HYAL4: variants seen among roughly 807,000 people sequenced by gnomAD.
HYAL4 encodes hyaluronidase-4.
In HYAL4, 37 loss-of-function variants were observed where a neutral mutation model predicts 35.2. That is an observed-to-expected ratio of 1.05 (90% CI 0.81 to 1.38). The LOEUF is 1.38. Ranked by LOEUF, HYAL4 falls within the 40% of genes most tolerant of loss-of-function variation. The probability of loss-of-function intolerance (pLI) is 0.00; values close to 1 mark genes in which losing one functional copy is unlikely to be tolerated. For missense variants in HYAL4, 572 were observed against 572.4 expected, an observed-to-expected ratio of 1.00 and a Z score of 0.01; for synonymous variants, 198 against 203.2, an observed-to-expected ratio of 0.97 and a Z score of 0.22.
At chr7:123,783,730 T>G in the HYAL4 span, among the ~76,000 whole-genome samples, 4 of 152,154 alleles carry the variant, frequency 2.6e-5, no homozygotes, top group African/African-American at 9.7e-5. Flanking sequence ...GAACCAAACA[T>G]AAAATCTGTT....
At chr7:123,861,066 T>C (rs1446028578) in intron 2 of HYAL4, among the ~76,000 whole-genome samples, 2 of 152,126 alleles carry the variant, frequency 1.3e-5, no homozygotes, top group East Asian at 3.9e-4. Flanking sequence ...TTGCCTTTCC[T>C]CTCCACTCTT....
At chr7:123,815,284 C>T in the HYAL4 span, among the ~76,000 whole-genome samples, 1 of 152,118 alleles carries the variant, frequency 6.6e-6, no homozygotes, top group Non-Finnish European at 1.5e-5. Flanking sequence ...TCCTACAGAA[C>T]AGAGGTTAAA....
chr7:123,766,199 T>C, the HYAL4 span, among the ~76,000 whole-genome samples: 4 of 152,288 alleles, frequency 2.6e-5, no homozygotes, highest in Admixed American at 1.3e-4. Flanking sequence ...TTACCTATTA[T>C]GAAAGGTTCC....
chr7:123,817,510 C>CTTTTTTT, the HYAL4 span, among the ~76,000 whole-genome samples: 8 of 122,166 alleles, frequency 6.5e-5, no homozygotes, highest in Non-Finnish European at 1.2e-4. Flanking sequence ...CATTCTTCTT[C>CTTTTTTT]TTTTTTTTTT....
At chr7:123,793,681 G>C in the HYAL4 span, among the ~76,000 whole-genome samples, 1 of 152,174 alleles carries the variant, frequency 6.6e-6, no homozygotes. Flanking sequence ...CCCCATGATT[G>C]TAAGTTTCCT....
At chr7:123,828,427 TACACACACACAC>T (rs34327472), upstream of HYAL4, among the ~76,000 whole-genome samples, 28 of 141,412 alleles carry the variant, frequency 2.0e-4, no homozygotes, top group South Asian at 7.1e-4. Flanking sequence ...TGTTCATAAT[TACACACACACAC>T]ACACACACAC....
the HYAL4 span, among the ~76,000 whole-genome samples, chr7:123,812,518 G>A: frequency 6.6e-6 from 1 of 152,104 alleles, no homozygotes; most frequent in African/African-American, 2.4e-5. Context: ...ATAGATGATT[G>A]TGTATCATTT....
the HYAL4 span, among the ~76,000 whole-genome samples, chr7:123,769,738 T>C: frequency 3.8e-4 from 57 of 151,898 alleles, no homozygotes; most frequent in Non-Finnish European, 7.4e-4. Flanking sequence ...AACATCGGTC[T>C]GCTCTATAGT....
At chr7:123,778,627 C>T in the HYAL4 span, among the ~76,000 whole-genome samples, 2 of 151,940 alleles carry the variant, frequency 1.3e-5, no homozygotes, top group Non-Finnish European at 2.9e-5. Flanking sequence ...GGCAGGAGCA[C>T]AACAAAAGTG....
chr7:123,836,771 G>A (rs1205022272), intron 1 of HYAL4, among the ~76,000 whole-genome samples: 1 of 152,114 alleles, frequency 6.6e-6, no homozygotes, highest in African/African-American at 2.4e-5. Flanking sequence ...GCTCATGCCT[G>A]TAATCCCAGC....
upstream of HYAL4, among the ~76,000 whole-genome samples, chr7:123,824,134 C>T: frequency 6.6e-6 from 1 of 152,138 alleles, no homozygotes; most frequent in Non-Finnish European, 1.5e-5. Context: ...GCTGTGTGAC[C>T]TTGATCAAGT....
At chr7:123,818,620 A>G in the HYAL4 span, among the ~76,000 whole-genome samples, 2 of 152,186 alleles carry the variant, frequency 1.3e-5, no homozygotes. Flanking sequence ...AAAGGAATTG[A>G]AATCTATTTC....
chr7:123,861,261 G>T (rs1302325801), intron 2 of HYAL4, among the ~76,000 whole-genome samples: 1 of 152,146 alleles, frequency 6.6e-6, no homozygotes, highest in Non-Finnish European at 1.5e-5. Context: ...TATGGGGAGG[G>T]AAGTATTTTA....
chr7:123,842,309 GA>G (rs1304784259), upstream of HYAL4, among the ~76,000 whole-genome samples: 1 of 152,018 alleles, frequency 6.6e-6, no homozygotes, highest in African/African-American at 2.4e-5. Context: ...GTGCGGTTTG[GA>G]GTGAGTTTCT....
At chr7:123,797,001 C>G in the HYAL4 span, among the ~76,000 whole-genome samples, 1 of 152,230 alleles carries the variant, frequency 6.6e-6, no homozygotes, top group Admixed American at 6.5e-5. Context: ...GATCAAGAGT[C>G]TGTGCTCTCA....
chr7:123,790,586 CTTTTTTT>C, the HYAL4 span: 1 of 118,384 alleles, frequency 8.4e-6, no homozygotes, highest in African/African-American at 3.2e-5. Context: ...AAAGACATGC[CTTTTTTT>C]TTTTTTTTTT....
chr7:123,811,759 T>G, the HYAL4 span, among the ~76,000 whole-genome samples: 1 of 152,118 alleles, frequency 6.6e-6, no homozygotes, highest in African/African-American at 2.4e-5. Context: ...TTGTCTAAGG[T>G]AATCTAAATT....
the HYAL4 span, among the ~76,000 whole-genome samples, chr7:123,772,961 G>C: frequency 9.2e-5 from 14 of 152,186 alleles, no homozygotes; most frequent in Admixed American, 9.2e-4. Context: ...GATAGTGCCA[G>C]CTATTCATGG....
chr7:123,868,053 T>C (rs1806732600), intron 2 of HYAL4, among the ~76,000 whole-genome samples, 170 bp from the exon 3 acceptor site: 1 of 152,202 alleles, frequency 6.6e-6, no homozygotes, highest in Admixed American at 6.5e-5. Flanking sequence ...TGCCCCTGAA[T>C]AGAAGCTAGG....
Sources: allele counts gnomAD v4.1 joint callset (sites outside exome capture counted in the v4.1 genomes callset), GRCh38; gene constraint gnomAD v4.1.1; transcripts MANE v1.5; gene names NCBI Gene and HGNC (gene_info 2026-07-23, HGNC 2026-07-21).